The following MAP4K3 variants were observed in gnomAD, a reference collection of about 807,000 sequenced individuals.
The protein encoded by MAP4K3 is mitogen-activated protein kinase kinase kinase kinase 3.
Under a neutral mutation model 143.5 loss-of-function variants are expected in MAP4K3, and 94 were observed. The ratio of observed to expected loss-of-function variants is 0.65; its 90% confidence interval spans 0.55 to 0.78. The LOEUF (loss-of-function observed/expected upper bound fraction) is 0.78. MAP4K3 is among the 30% of genes least tolerant of loss of function. The probability of loss-of-function intolerance (pLI) is 0.00; values close to 1 mark genes in which losing one functional copy is unlikely to be tolerated. For synonymous variants in MAP4K3, 416 were observed against 347.2 expected (o/e 1.20, Z -2.20); for missense variants, 1,077 against 1,068.1 (o/e 1.01, Z -0.12).
chr2:39,355,170 G>A (rs966372544), intron 3 of MAP4K3, among the ~76,000 whole-genome samples: 1 of 151,868 alleles, frequency 6.6e-6, no homozygotes. Context: ...CAAGACCATC[G>A]TGGCCAACAT....
At chr2:39,312,591 AG>A (rs1372247199) in intron 13 of MAP4K3, among the ~76,000 whole-genome samples, 9 of 152,224 alleles carry the variant, frequency 5.9e-5, no homozygotes, top group African/African-American at 2.2e-4. Context: ...TGAGAAACAC[AG>A]CCCTGTAATA....
chr2:39,311,344 G>C (rs1224407241), intron 13 of MAP4K3, among the ~76,000 whole-genome samples: 3 of 152,198 alleles, frequency 2.0e-5, no homozygotes, highest in African/African-American at 7.2e-5. Context: ...CTCCTAAAGT[G>C]CTGGGATTAC....
At chr2:39,326,518 C>T (rs751486265) in intron 8 of MAP4K3, among the ~76,000 whole-genome samples, 44 of 152,210 alleles carry the variant, frequency 2.9e-4, no homozygotes, top group South Asian at 8.3e-4. Flanking sequence ...ACTTGCCTTG[C>T]CTTGCCTCAG....
intron 1 of MAP4K3, among the ~76,000 whole-genome samples, chr2:39,385,250 A>G (rs774289559): frequency 6.6e-6 from 1 of 152,140 alleles, no homozygotes; most frequent in Non-Finnish European, 1.5e-5. Context: ...TAACCTTATA[A>G]GAAATTGCCC....
chr2:39,339,187 G>A (rs1665071202), intron 4 of MAP4K3, among the ~76,000 whole-genome samples: 2 of 152,138 alleles, frequency 1.3e-5, no homozygotes, highest in Admixed American at 1.3e-4. Flanking sequence ...AATTATGAAA[G>A]AGAGAAATCT....
intron 22 of MAP4K3, 40 bp from the exon 23 acceptor site, chr2:39,280,396 G>T: frequency 8.4e-7 from 1 of 1,189,442 alleles, no homozygotes; most frequent in Non-Finnish European, 1.2e-6. Context: ...ACAGTGACAA[G>T]TAACAGTCTT....
chr2:39,324,392 G>A (rs1038589947), intron 12 of MAP4K3, among the ~76,000 whole-genome samples: 1 of 151,550 alleles, frequency 6.6e-6, no homozygotes, highest in Admixed American at 6.6e-5. Context: ...GGGTAATAGA[G>A]TAAGACTCAT....
intron 15 of MAP4K3, among the ~76,000 whole-genome samples, chr2:39,304,984 T>C (rs1218751529): frequency 2.0e-5 from 3 of 152,174 alleles, no homozygotes; most frequent in Non-Finnish European, 4.4e-5. Flanking sequence ...TATGATTCCA[T>C]TTATACAAGA....
intron 2 of MAP4K3, among the ~76,000 whole-genome samples, chr2:39,377,607 T>C (rs948891127): frequency 1.3e-5 from 2 of 152,092 alleles, no homozygotes; most frequent in African/African-American, 4.8e-5. Flanking sequence ...AAATACAGAA[T>C]GTGGAAGCTA....
At chr2:39,356,846 C>A (rs1003570296) in intron 2 of MAP4K3, among the ~76,000 whole-genome samples, 5 of 152,100 alleles carry the variant, frequency 3.3e-5, no homozygotes, top group Non-Finnish European at 5.9e-5. Flanking sequence ...TCCTTTATTT[C>A]CAAGTAACAT....
intron 2 of MAP4K3, among the ~76,000 whole-genome samples, chr2:39,365,473 T>C (rs1655257332): frequency 7.1e-6 from 1 of 140,094 alleles, no homozygotes; most frequent in African/African-American, 2.7e-5. Context: ...AGTCTCGCTC[T>C]GTCGCCCAGG....
chr2:39,360,822 G>GT (rs1665749155), intron 2 of MAP4K3, among the ~76,000 whole-genome samples: 1 of 152,124 alleles, frequency 6.6e-6, no homozygotes, highest in African/African-American at 2.4e-5. Context: ...GCAGCAGGGG[G>GT]TAACTGCCCC....
rs565407843 is a variant in MAP4K3 at position 39,345,866 on chromosome 2, G to C, written c.246-2414C>G. Among the ~76,000 whole-genome samples the C allele has an allele frequency of 2.2e-5, 3 of 137,682 alleles. No homozygotes were observed. In the East Asian group the frequency reaches 6.8e-4, roughly 31 times the overall value. 90.3% of individuals were successfully genotyped at this position (137,682 alleles called of 152,430 possible). A position where few individuals can be genotyped will look rare whatever the true frequency, so the allele number is the denominator to read the frequency against. On this transcript the variant is annotated intron_variant, in intron 3 of 33. Coordinates refer to ENST00000263881, the MANE Select transcript of MAP4K3 (RefSeq NM_003618.4). ...GAACCCGGGAGGCGGAGCTTGCAGT[G>C]AGCAGAGATCGTTCCACTGCACTCC...
chr2:39,413,206 G>C (rs1360600507), intron 1 of MAP4K3, among the ~76,000 whole-genome samples: 1 of 152,146 alleles, frequency 6.6e-6, no homozygotes, highest in Non-Finnish European at 1.5e-5. Context: ...ATCAGAAAGA[G>C]AAAAATACAT....
chr2:39,290,837 G>A (rs553042825), intron 18 of MAP4K3, among the ~76,000 whole-genome samples: 5 of 152,256 alleles, frequency 3.3e-5, no homozygotes, highest in Admixed American at 6.5e-5. Context: ...TTGGGAGGCC[G>A]AGGTGGGCAG....
At position 39,307,763 on chromosome 2, in the gene MAP4K3, G is replaced by C. The variant is rs140470077; in HGVS notation, c.1119+180C>G. 3.5e-3 allele frequency among the ~76,000 whole-genome samples: 529 copies of C among 151,986 alleles called. 13 individuals carry two copies. Among genetic ancestry groups the C allele is most frequent in the Admixed American group, 0.031 (475 of 15,264 alleles). ...TTTATTACTACAGCATTATATTTGA[G>C]TAGATATATATATGTAACTTGTTAT... On this transcript the variant is annotated intron_variant, in intron 15 of 33. Transcript: ENST00000263881.
At chr2:39,331,320 T>C (rs1008439024) in intron 8 of MAP4K3, among the ~76,000 whole-genome samples, 1 of 152,142 alleles carries the variant, frequency 6.6e-6, no homozygotes, top group Admixed American at 6.6e-5. Context: ...CCAAAAACTA[T>C]TCTGTAAATA....
chr2:39,317,127 T>C (rs971978591), intron 12 of MAP4K3, among the ~76,000 whole-genome samples: 4 of 152,082 alleles, frequency 2.6e-5, no homozygotes, highest in Non-Finnish European at 4.4e-5. Context: ...AACCATCTGA[T>C]CTTCGACAAA....
At position 39,249,808 on chromosome 2, in the gene MAP4K3, A is replaced by G. The variant is rs2148426158; in HGVS notation, c.*810T>C. On this transcript the variant is annotated 3_prime_UTR_variant, in exon 34 of 34. Coordinates refer to ENST00000263881, the MANE Select transcript of MAP4K3 (RefSeq NM_003618.4). ...TGCAGTATTCTATCATGGTACCGCT[A>G]TTCTGTGATTCAAAAATGTTCAAAG... 6.5e-6 allele frequency: 1 copy of G among 152,734 alleles called. No homozygotes were observed. The highest frequency in any genetic ancestry group is 1.9e-4 in the East Asian group (1 of 5,190). 9.5% of individuals were successfully genotyped at this position (152,734 alleles called of 1,614,324 possible).
Sources: gnomAD v4.1 joint callset for allele counts (sites outside exome capture counted in the v4.1 genomes callset) on GRCh38, gnomAD v4.1.1 for gene constraint, MANE v1.5 for transcripts, NCBI Gene and HGNC (gene_info 2026-07-23, HGNC 2026-07-21) for gene names.